Variants in DMD observed in about 807,000 individuals in gnomAD.
DMD encodes the protein dystrophin.
A neutral mutation model predicts 330.1 loss-of-function variants in DMD; 63 were observed. That is an observed-to-expected ratio of 0.19 (90% CI 0.16 to 0.24). The LOEUF is 0.24. Ranked by LOEUF, DMD falls within the 10% of genes least tolerant of loss-of-function variation. The pLI is 1.00. For synonymous variants in DMD, 1,223 were observed against 959.8 expected (o/e 1.27, Z -5.07); for missense variants, 3,344 against 2,684.1 (o/e 1.25, Z -5.43).
chrX:31,690,110 C>T (rs138542893), intron 52 of DMD, among the ~76,000 whole-genome samples: 8,573 of 111,358 alleles, frequency 0.077, 805 homozygotes, highest in African/African-American at 0.26. Context: ...AAAGCCAAAA[C>T]GGACAAATGG....
At chrX:31,576,434 CTT>C (rs1416380277) in intron 55 of DMD, among the ~76,000 whole-genome samples, 6 of 101,086 alleles carry the variant, frequency 5.9e-5, no homozygotes, top group Non-Finnish European at 4.1e-5. Flanking sequence ...TCAAAAATTA[CTT>C]TTTTTTTTTT....
intron 9 of DMD, among the ~76,000 whole-genome samples, chrX:32,652,242 C>T (rs1379605345): frequency 9.2e-6 from 1 of 108,122 alleles, no homozygotes; most frequent in Non-Finnish European, 1.9e-5. Context: ...CCCATTAACT[C>T]GTCATTTAAC....
At chrX:32,585,517 C>T (rs778800464) in intron 13 of DMD, among the ~76,000 whole-genome samples, 1 of 107,808 alleles carries the variant, frequency 9.3e-6, no homozygotes, top group South Asian at 4.1e-4. Flanking sequence ...CTGGCTAACA[C>T]AGTGAAACCC....
At position 31,206,628 on chromosome X, in the gene DMD, A is replaced by C; in HGVS notation, c.9603T>G (p.Thr3201=). ...GTGCTTTACACAGGGAAATGATGCC[A>C]GTTTTAAAAGACAGGACACGGATCC... ...TGRIRVLSFK[T]GIISLCKAHL... The change falls in exon 66 of 79, where the codon ACT becomes ACG. Residue 3201 remains threonine, a synonymous_variant. Transcript: ENST00000357033. 1.7e-6 allele frequency: 2 copies of C among 1,211,247 alleles called. No homozygotes were observed. The highest frequency in any genetic ancestry group is 2.2e-6 in the Non-Finnish European group (2 of 895,013).
At chrX:32,623,996 T>C (rs1230958746) in intron 11 of DMD, among the ~76,000 whole-genome samples, 1 of 112,193 alleles carries the variant, frequency 8.9e-6, no homozygotes, top group Non-Finnish European at 1.9e-5. Flanking sequence ...TATTTCAATT[T>C]CTTTGTTGAT....
chrX:31,300,938 TCAGAGAAATGACATTATAGAACAA>T (rs1222480724), intron 62 of DMD, among the ~76,000 whole-genome samples: 19 of 112,250 alleles, frequency 1.7e-4, no homozygotes, highest in African/African-American at 6.1e-4. Context: ...CATCAGTCCA[TCAGAGAAATGACATTATAGAACAA>T]CCTGAAATCT....
chrX:32,542,743 C>A (rs758902407), intron 17 of DMD, among the ~76,000 whole-genome samples: 2 of 112,069 alleles, frequency 1.8e-5, no homozygotes, highest in African/African-American at 3.2e-5. Flanking sequence ...ACCCTGTAGA[C>A]AATTATCAAT....
chrX:32,956,823 C>G (rs1413620658), intron 2 of DMD, among the ~76,000 whole-genome samples: 3 of 110,840 alleles, frequency 2.7e-5, no homozygotes, highest in Non-Finnish European at 1.9e-5. Flanking sequence ...GACATGAAGC[C>G]CCTGCCCACA....
chrX:33,311,213 AAT>A (rs761199758), intron 1 of DMD, among the ~76,000 whole-genome samples: 3 of 109,570 alleles, frequency 2.7e-5, no homozygotes, highest in South Asian at 7.5e-4. Flanking sequence ...ACTTAACTAT[AAT>A]ATATATATAC....
chrX:31,374,589 G>A (rs1311707212), intron 60 of DMD, among the ~76,000 whole-genome samples: 8 of 98,754 alleles, frequency 8.1e-5, no homozygotes, highest in Non-Finnish European at 1.0e-4. Context: ...ACCAAACACC[G>A]CATGTTCTCA....
chrX:33,073,629 G>A (rs1393267483), intron 1 of DMD, among the ~76,000 whole-genome samples: 11 of 110,504 alleles, frequency 1.0e-4, no homozygotes, highest in Admixed American at 9.7e-4. Flanking sequence ...TCAGGAGTTC[G>A]AGACCAGCCT....
At chrX:31,471,450 G>A (rs746164073) in intron 59 of DMD, among the ~76,000 whole-genome samples, 10 of 111,794 alleles carry the variant, frequency 8.9e-5, no homozygotes, top group Admixed American at 6.6e-4. Context: ...ACATCCCACC[G>A]TGCTTCTGCG....
rs776096449 is a variant in DMD at position 33,324,309 on chromosome X, TAGG to T, written c.7+14947_7+14949del. 7.8e-4 allele frequency among the ~76,000 whole-genome samples: 86 copies of T among 110,917 alleles called. 1 individual carries two copies. The highest frequency in any genetic ancestry group is 2.7e-3 in the African/African-American group (84 of 30,564). ...GAGGTTCAGTACCACTTGAGACCAC[TAGG>T]AGAATGATTTGTCTCACCTGAGAAG... On this transcript the variant is annotated intron_variant, in intron 1 of 17. Transcript: ENST00000288447.
chrX:31,138,703 C>T (rs2035649242), intron 76 of DMD, among the ~76,000 whole-genome samples: 1 of 100,272 alleles, frequency 1.0e-5, no homozygotes, highest in Non-Finnish European at 2.0e-5. Context: ...GGAAGTGCCA[C>T]ACACTTTAAA....
chrX:32,572,660 CGAG>C (rs1315974349), intron 15 of DMD, among the ~76,000 whole-genome samples: 1 of 108,866 alleles, frequency 9.2e-6, no homozygotes, highest in African/African-American at 3.3e-5. Flanking sequence ...TCAAAACACT[CGAG>C]GTATTTATAA....
intron 55 of DMD, among the ~76,000 whole-genome samples, chrX:31,514,065 C>A (rs2071933990): frequency 9.0e-6 from 1 of 111,616 alleles, no homozygotes; most frequent in Non-Finnish European, 1.9e-5. Flanking sequence ...GCAAATCTAG[C>A]ACTGCCATTA....
At chrX:31,273,044 T>C (rs2051789068) in intron 62 of DMD, among the ~76,000 whole-genome samples, 1 of 112,123 alleles carries the variant, frequency 8.9e-6, no homozygotes, top group Non-Finnish European at 1.9e-5. Context: ...TTAAACAGTA[T>C]GCTTTGGCCT....
intron 69 of DMD, 29 bp from the exon 70 acceptor site, chrX:31,178,834 T>C: frequency 8.3e-7 from 1 of 1,203,782 alleles, no homozygotes; most frequent in South Asian, 1.8e-5. Context: ...TGAGATCAGA[T>C]TTAGGACAGG....
At chrX:31,372,364 G>T (rs935253561) in intron 60 of DMD, among the ~76,000 whole-genome samples, 3 of 111,973 alleles carry the variant, frequency 2.7e-5, no homozygotes, top group Non-Finnish European at 5.6e-5. Flanking sequence ...AAAATGGTTG[G>T]TGTCAGCGGG....
Sources: gnomAD v4.1 joint callset for allele counts (sites outside exome capture counted in the v4.1 genomes callset) on GRCh38, gnomAD v4.1.1 for gene constraint, MANE v1.5 for transcripts, NCBI Gene and HGNC (gene_info 2026-07-23, HGNC 2026-07-21) for gene names.